ASIC2: variants seen among roughly 807,000 people sequenced by gnomAD.
ASIC2 encodes acid-sensing ion channel 2.
In ASIC2, 25 loss-of-function variants were observed where a neutral mutation model predicts 57.3. The observed-to-expected ratio is 0.44, with a 90% CI of 0.32 to 0.61. ASIC2 has a LOEUF of 0.61. Ranked by LOEUF, ASIC2 falls within the 20% of genes least tolerant of loss-of-function variation. The pLI, the probability that ASIC2 is intolerant of heterozygous loss-of-function variation, is 0.06. For missense variants in ASIC2, 641 were observed against 738.1 expected, an observed-to-expected ratio of 0.87 and a Z score of 1.52; for synonymous variants, 319 against 307.5, an observed-to-expected ratio of 1.04 and a Z score of -0.39.
At chr17:33,189,860 C>T (rs1043441424) in intron 1 of ASIC2, among the ~76,000 whole-genome samples, 2 of 151,928 alleles carry the variant, frequency 1.3e-5, no homozygotes, top group Non-Finnish European at 2.9e-5. Context: ...TTGGGGACAC[C>T]CCTTTCTCAA....
intron 3 of ASIC2, among the ~76,000 whole-genome samples, chr17:33,084,111 G>A (rs915086416): frequency 3.9e-5 from 6 of 152,162 alleles, no homozygotes; most frequent in Non-Finnish European, 5.9e-5. Flanking sequence ...CAGAACTGCT[G>A]TCAGCCAAAC....
intron 1 of ASIC2, among the ~76,000 whole-genome samples, chr17:34,044,245 T>G (rs1335575974): frequency 1.3e-5 from 2 of 152,094 alleles, no homozygotes; most frequent in Non-Finnish European, 2.9e-5. Flanking sequence ...AGTCATGCTG[T>G]CCCTGGTGAA....
rs771624171 is a variant in ASIC2, at chr17:33,898,220, C to CTTTTTTTTTTTTTTTTTTTTTTTTTTTT, written c.555+257730_555+257757dup. On this transcript the variant is annotated intron_variant, in intron 1 of 9. Transcript: ENST00000359872. ...AAACTGCCCAGAGTTCATGTATAATCTTTTTTTTTTTTTTTTTTTTTTTTT... is the reference window on the plus strand; with the variant it reads ...AAACTGCCCAGAGTTCATGTATAATCTTTTTTTTTTTTTTTTTTTTTTTTTTTTTTTTTTTTTTTTTTTTTTTTTTTTT... Among the ~76,000 whole-genome samples, 3 of 66,196 alleles carry CTTTTTTTTTTTTTTTTTTTTTTTTTTTT rather than the reference C, an allele frequency of 4.5e-5. 1 individual carries two copies. The highest frequency in any genetic ancestry group is 5.5e-5 in the Non-Finnish European group (2 of 36,092). 43.4% of individuals were successfully genotyped at this position (66,196 alleles called of 152,430 possible).
chr17:33,373,318 C>A (rs1249102239), intron 1 of ASIC2, among the ~76,000 whole-genome samples: 2 of 152,264 alleles, frequency 1.3e-5, no homozygotes, highest in Non-Finnish European at 2.9e-5. Flanking sequence ...TTGATTCCAT[C>A]TTGCTTCTGA....
At chr17:33,348,793 G>T (rs1908050547) in intron 1 of ASIC2, among the ~76,000 whole-genome samples, 1 of 152,050 alleles carries the variant, frequency 6.6e-6, no homozygotes. Context: ...GCATAGTGGT[G>T]GTCAAAGGGG....
intron 1 of ASIC2, among the ~76,000 whole-genome samples, chr17:33,544,394 G>T (rs1915516182): frequency 6.6e-6 from 1 of 152,088 alleles, no homozygotes; most frequent in South Asian, 2.1e-4. Context: ...ATTTCTCCTG[G>T]GTAAATACCC....
chr17:33,037,895 G>A (rs1198472527), intron 3 of ASIC2, among the ~76,000 whole-genome samples: 4 of 152,170 alleles, frequency 2.6e-5, no homozygotes, highest in African/African-American at 9.7e-5. Flanking sequence ...TGTTCAAGTA[G>A]AAACTATACA....
chr17:33,799,836 T>C (rs1456923993), intron 1 of ASIC2, among the ~76,000 whole-genome samples: 1 of 152,070 alleles, frequency 6.6e-6, no homozygotes, highest in African/African-American at 2.4e-5. Context: ...TGAATGGTGC[T>C]CCCTAAGGTT....
chr17:34,061,256 T>C (rs1908960072), intron 1 of ASIC2, among the ~76,000 whole-genome samples: 1 of 152,136 alleles, frequency 6.6e-6, no homozygotes. Flanking sequence ...CTAAGCATCA[T>C]ATATGAAGGA....
At chr17:33,198,088 G>T (rs772115511) in intron 1 of ASIC2, among the ~76,000 whole-genome samples, 9 of 152,190 alleles carry the variant, frequency 5.9e-5, no homozygotes, top group Non-Finnish European at 1.2e-4. Flanking sequence ...GGTGGCTCAT[G>T]CCTGTAATCC....
chr17:33,303,587 C>A (rs1319918503), intron 1 of ASIC2, among the ~76,000 whole-genome samples: 1 of 152,188 alleles, frequency 6.6e-6, no homozygotes, highest in Non-Finnish European at 1.5e-5. Flanking sequence ...ACCTAGCCCC[C>A]TTTGTCTCCC....
At chr17:33,294,364 G>A (rs1377453031), upstream of ASIC2, among the ~76,000 whole-genome samples, 1 of 152,086 alleles carries the variant, frequency 6.6e-6, no homozygotes, top group East Asian at 1.9e-4. Flanking sequence ...TGGGTGTGGA[G>A]AGGAGTTTTA....
At chr17:33,073,121 T>C (rs567465191) in intron 3 of ASIC2, among the ~76,000 whole-genome samples, 1 of 152,284 alleles carries the variant, frequency 6.6e-6, no homozygotes, top group East Asian at 1.9e-4. Flanking sequence ...GGGGAGGGAA[T>C]AGCCGGGAGC....
chr17:33,854,097 G>C (rs1913849280), intron 1 of ASIC2, among the ~76,000 whole-genome samples: 1 of 152,198 alleles, frequency 6.6e-6, no homozygotes, highest in African/African-American at 2.4e-5. Flanking sequence ...TCTTCTAATT[G>C]CAGATTGTCC....
intron 1 of ASIC2, among the ~76,000 whole-genome samples, chr17:33,391,922 G>C (rs1238835029): frequency 6.6e-6 from 1 of 152,140 alleles, no homozygotes; most frequent in Non-Finnish European, 1.5e-5. Context: ...TGACTTGTAG[G>C]ATATCCTATA....
intron 1 of ASIC2, among the ~76,000 whole-genome samples, chr17:33,532,215 C>T (rs1915074604): frequency 6.6e-6 from 1 of 152,156 alleles, no homozygotes; most frequent in South Asian, 2.1e-4. Flanking sequence ...CCAACCTCAC[C>T]CATGAAGTCA....
At chr17:33,456,692 G>T (rs1345246948) in intron 1 of ASIC2, among the ~76,000 whole-genome samples, 1 of 152,204 alleles carries the variant, frequency 6.6e-6, no homozygotes, top group Non-Finnish European at 1.5e-5. Flanking sequence ...TGTGGAGAAG[G>T]TAAGAGCTGG....
intron 1 of ASIC2, among the ~76,000 whole-genome samples, chr17:33,272,798 T>C (rs968479153): frequency 2.0e-4 from 31 of 152,238 alleles, no homozygotes; most frequent in Admixed American, 6.5e-5. Context: ...ATCTCTTTGG[T>C]TTCTCAGAAC....
chr17:33,102,729 AT>A (rs2092216533), intron 2 of ASIC2, among the ~76,000 whole-genome samples: 1 of 151,954 alleles, frequency 6.6e-6, no homozygotes, highest in Admixed American at 6.6e-5. Flanking sequence ...CAATCCTTCT[AT>A]GGATTAAAAA....
Sources: gnomAD v4.1 joint callset for allele counts (sites outside exome capture counted in the v4.1 genomes callset) on GRCh38, gnomAD v4.1.1 for gene constraint, MANE v1.5 for transcripts, NCBI Gene and HGNC (gene_info 2026-07-23, HGNC 2026-07-21) for gene names.